The following NLRP4 variants were observed in gnomAD, a reference collection of about 807,000 sequenced individuals.
NLRP4 encodes NLR family pyrin domain containing 4.
NLRP4 carries 44 observed loss-of-function variants against 84.7 expected under a neutral mutation model. The ratio of observed to expected loss-of-function variants is 0.52; its 90% CI spans 0.41 to 0.67. The LOEUF (loss-of-function observed/expected upper bound fraction) is 0.67, where lower values mean the gene tolerates loss of function less well. NLRP4 is among the 30% of genes least tolerant of loss of function. The pLI is 0.00. For synonymous variants in NLRP4, 544 were observed against 476.4 expected, an observed-to-expected ratio of 1.14 and a Z score of -1.85; for missense variants, 1,260 against 1,219.4, an observed-to-expected ratio of 1.03 and a Z score of -0.50.
intron 2 of NLRP4, among the ~76,000 whole-genome samples, chr19:55,856,028 C>G (rs1984396435): frequency 6.6e-6 from 1 of 152,222 alleles, no homozygotes; most frequent in Non-Finnish European, 1.5e-5. Context: ...CAGTCTCGCT[C>G]TATTGCCAGG....
Position 55,861,482 on chromosome 19 carries a change from C to T in NLRP4, c.1953C>T (p.Ser651=), listed in dbSNP as rs779105297. ...RELQVQDSTL[S]ESTFVTWCNQ... is the part of the protein sequence containing the mutation. ...TCCAGGTGCAGGACAGCACCCTCAG[C>T]GAGTCGACCTTTGTGACCTGGTGTA... The change falls in exon 4 of 10, where the codon AGC becomes AGT. Residue 651 remains serine (S), a synonymous_variant. Transcript: ENST00000301295. The T allele has an allele frequency of 1.9e-5, 31 of 1,614,026 alleles. No homozygotes were observed. The highest frequency in any genetic ancestry group is 6.7e-5 in the East Asian group (3 of 44,886).
chr19:55,851,405 A>C (rs1984131638), intron 1 of NLRP4, among the ~76,000 whole-genome samples: 1 of 62,874 alleles, frequency 1.6e-5, no homozygotes, highest in Admixed American at 1.7e-4. Flanking sequence ...CTGCGGTGTA[A>C]TTTACGAGGC....
At chr19:55,870,478 C>G (rs1985133006) in intron 6 of NLRP4, among the ~76,000 whole-genome samples, 1 of 152,150 alleles carries the variant, frequency 6.6e-6, no homozygotes. Context: ...GCCTGGCTAA[C>G]ATGGTGAAAC....
intron 7 of NLRP4, among the ~76,000 whole-genome samples, chr19:55,873,873 G>A (rs1457209163): frequency 1.3e-5 from 2 of 152,066 alleles, no homozygotes; most frequent in Non-Finnish European, 2.9e-5. Flanking sequence ...TAGAACATAT[G>A]TTGAAATGAA....
At chr19:55,855,597 C>T (rs1354865220) in intron 2 of NLRP4, among the ~76,000 whole-genome samples, 1 of 152,258 alleles carries the variant, frequency 6.6e-6, no homozygotes, top group Admixed American at 6.5e-5. Flanking sequence ...TGTCAGCAGT[C>T]TGTGGGCACT....
In NLRP4 at chr19:55,875,188, G is replaced by A. The variant is rs77794534; in HGVS notation, c.2526-1808G>A. On this transcript the variant is annotated intron_variant, in intron 7 of 9. Transcript: ENST00000301295. ...TCAATATCATGAAAAAGATAAGAAC[G>A]GTGGCTATAATCACTTCTAGTCAAC... 5.7e-3 allele frequency among the ~76,000 whole-genome samples: 874 copies of A among 152,252 alleles called. 10 individuals carry two copies. Among genetic ancestry groups the A allele is most frequent in the African/African-American group, 0.02 (822 of 41,550 alleles).
At chr19:55,847,865 C>A (rs1425814082) in intron 1 of NLRP4, among the ~76,000 whole-genome samples, 3 of 152,058 alleles carry the variant, frequency 2.0e-5, no homozygotes, top group African/African-American at 7.2e-5. Flanking sequence ...CAGACACCTG[C>A]CACCACGCCC....
chr19:55,853,851 TTCTC>T (rs1210505697), intron 2 of NLRP4, among the ~76,000 whole-genome samples: 9 of 150,606 alleles, frequency 6.0e-5, no homozygotes, highest in South Asian at 2.1e-4. Flanking sequence ...CGTTCTGTCT[TTCTC>T]TCTCTTCCTC....
chr19:55,874,495 A>G (rs1985299646), intron 7 of NLRP4, among the ~76,000 whole-genome samples: 1 of 152,214 alleles, frequency 6.6e-6, no homozygotes. Flanking sequence ...AAAAGATTAC[A>G]TATGAGCAAC....
At chr19:55,855,802 C>T (rs115779064) in intron 2 of NLRP4, among the ~76,000 whole-genome samples, 2,343 of 152,328 alleles carry the variant, frequency 0.015, 54 homozygotes, top group African/African-American at 0.053. Context: ...GAAGGATCAG[C>T]CTCTAGGCTG....
At chr19:55,854,370 T>C (rs781104902) in intron 2 of NLRP4, among the ~76,000 whole-genome samples, 1 of 152,204 alleles carries the variant, frequency 6.6e-6, no homozygotes, top group African/African-American at 2.4e-5. Context: ...TCTATTTTAT[T>C]GAGCATTTTA....
In NLRP4 at chr19:55,859,250, G is replaced by A. The variant is rs750224822; in HGVS notation, c.1856+1G>A. The A allele has an allele frequency of 6.0e-5, 95 of 1,590,138 alleles. No individual in the cohort carries two copies. The highest frequency in any genetic ancestry group is 2.0e-4 in the South Asian group (18 of 88,930). ...AGAAAGAGGATGAACACAGCTCTAC[G>A]TGAGTCCATCCTATGACTTTTTCTC... On this transcript the variant is annotated splice_donor_variant, in intron 3 of 9. Transcript: ENST00000301295. LOFTEE classifies it high-confidence loss of function.
At chr19:55,849,996 T>C (rs1451124503) in intron 1 of NLRP4, among the ~76,000 whole-genome samples, 25 of 29,990 alleles carry the variant, frequency 8.3e-4, no homozygotes, top group Non-Finnish European at 1.5e-3. Context: ...TTTCCGAGAC[T>C]GCGGTGTGAT....
chr19:55,868,303 C>A (rs866023275), intron 6 of NLRP4, among the ~76,000 whole-genome samples: 3 of 152,108 alleles, frequency 2.0e-5, no homozygotes, highest in South Asian at 2.1e-4. Context: ...CCAGTTAATA[C>A]TATAATACAT....
intron 2 of NLRP4, among the ~76,000 whole-genome samples, chr19:55,853,591 G>C (rs919429812): frequency 6.6e-6 from 1 of 151,984 alleles, no homozygotes; most frequent in African/African-American, 2.4e-5. Context: ...AAAAAAAATT[G>C]TAGAGATGAG....
rs569406680 is a variant in NLRP4 at position 55,842,694 on chromosome 19, C to T, written c.-66+5760C>T. Among the ~76,000 whole-genome samples, 4 of 151,118 alleles carry T rather than the reference C, an allele frequency of 2.6e-5. No homozygotes were observed. In the South Asian group the frequency reaches 8.3e-4, roughly 31 times the overall value. The stretch of plus-strand genomic sequence containing the variant: ...TCCAATGGTCAATTTTCAAAATTTC[C>T]TATAGTGTAAGTCTTCTGTTGGAAA... On this transcript the variant is annotated intron_variant, in intron 1 of 9. Coordinates refer to ENST00000301295, the MANE Select transcript of NLRP4 (RefSeq NM_134444.5).
At chr19:55,850,291 G>A (rs1238052121) in intron 1 of NLRP4, among the ~76,000 whole-genome samples, 6 of 108,260 alleles carry the variant, frequency 5.5e-5, no homozygotes, top group East Asian at 2.5e-4. Context: ...TGTAATGTCC[G>A]TGGCTGCGGT....
intron 6 of NLRP4, among the ~76,000 whole-genome samples, chr19:55,868,139 C>A (rs564427558): frequency 6.6e-6 from 1 of 152,348 alleles, no homozygotes; most frequent in African/African-American, 2.4e-5. Context: ...CTATACAGAA[C>A]ACGTACTGTG....
chr19:55,837,817 T>C (rs77946950), intron 1 of NLRP4, among the ~76,000 whole-genome samples: 5,818 of 151,564 alleles, frequency 0.038, 286 homozygotes, highest in East Asian at 0.22. Context: ...GGGTGGATCA[T>C]CTGAGCTCAG....
Sources: gnomAD v4.1 joint callset for allele counts (sites outside exome capture counted in the v4.1 genomes callset) on GRCh38, gnomAD v4.1.1 for gene constraint, MANE v1.5 for transcripts, NCBI Gene and HGNC (gene_info 2026-07-23, HGNC 2026-07-21) for gene names.